FAT3: variants seen among roughly 807,000 people sequenced by gnomAD.
FAT3 encodes FAT atypical cadherin 3, also known as protocadherin Fat 3.
Under a neutral mutation model 310.2 loss-of-function variants are expected in FAT3, and 95 were observed. That is an observed-to-expected ratio of 0.31 (90% confidence interval 0.26 to 0.36). The LOEUF is 0.36. FAT3 is among the 10% of genes least tolerant of loss of function. The pLI, the probability that FAT3 is intolerant of heterozygous loss-of-function variation, is 1.00. For synonymous variants in FAT3, 2,314 were observed against 2,192.9 expected, an observed-to-expected ratio of 1.06 and a Z score of -1.54; for missense variants, 5,408 against 5,715.6, an observed-to-expected ratio of 0.95 and a Z score of 1.74.
chr11:92,440,124 G>A (rs1187332659), intron 2 of FAT3, among the ~76,000 whole-genome samples: 1 of 151,912 alleles, frequency 6.6e-6, no homozygotes, highest in Non-Finnish European at 1.5e-5. Flanking sequence ...TAGATGGAAA[G>A]TACCGAAGAG....
At chr11:92,239,734 T>A (rs928235736) in intron 1 of FAT3, among the ~76,000 whole-genome samples, 1 of 152,128 alleles carries the variant, frequency 6.6e-6, no homozygotes, top group African/African-American at 2.4e-5. Context: ...TGATTTTGGC[T>A]TCTCAGCTGA....
chr11:92,750,975 G>A (rs903686555), intron 4 of FAT3, among the ~76,000 whole-genome samples: 3 of 152,342 alleles, frequency 2.0e-5, no homozygotes, highest in Non-Finnish European at 2.9e-5. Context: ...GGAATGAACA[G>A]TGAATTGTTC....
At chr11:92,569,941 T>A (rs921206417) in intron 3 of FAT3, among the ~76,000 whole-genome samples, 1 of 152,166 alleles carries the variant, frequency 6.6e-6, no homozygotes, top group Admixed American at 6.6e-5. Context: ...ACAGGCCTCC[T>A]TGTCAGCCTG....
intron 3 of FAT3, among the ~76,000 whole-genome samples, chr11:92,680,708 C>T (rs754329243): frequency 2.6e-5 from 4 of 152,166 alleles, no homozygotes; most frequent in African/African-American, 4.8e-5. Flanking sequence ...ATTGCAAGTG[C>T]TTGCAACACA....
intron 25 of FAT3, 139 bp downstream of exon 25, chr11:92,887,252 G>A: frequency 1.4e-6 from 1 of 709,370 alleles, no homozygotes. Flanking sequence ...CCAGGTCCCT[G>A]GTTTACTCCA....
intron 4 of FAT3, among the ~76,000 whole-genome samples, chr11:92,760,101 C>T (rs1249246764): frequency 6.6e-6 from 1 of 152,186 alleles, no homozygotes; most frequent in Non-Finnish European, 1.5e-5. Flanking sequence ...GGAATTAGCT[C>T]AAGAGTCAAA....
chr11:92,528,260 G>T (rs1214746514), intron 3 of FAT3, among the ~76,000 whole-genome samples: 8 of 152,170 alleles, frequency 5.3e-5, no homozygotes, highest in Non-Finnish European at 1.0e-4. Context: ...ATGCTGTGTG[G>T]TTTTTTCTGG....
At chr11:92,341,298 G>A (rs1429551647) in intron 1 of FAT3, among the ~76,000 whole-genome samples, 1 of 152,196 alleles carries the variant, frequency 6.6e-6, no homozygotes, top group Non-Finnish European at 1.5e-5. Flanking sequence ...AGTGGAGATG[G>A]AGGGTAGTTG....
At chr11:92,330,450 C>T (rs1422303518) in intron 1 of FAT3, among the ~76,000 whole-genome samples, 2 of 152,164 alleles carry the variant, frequency 1.3e-5, no homozygotes, top group African/African-American at 2.4e-5. Flanking sequence ...CTCAGCGGTA[C>T]AATGAAAGAT....
At chr11:92,393,182 A>G (rs1356064375) in intron 2 of FAT3, among the ~76,000 whole-genome samples, 1 of 152,162 alleles carries the variant, frequency 6.6e-6, no homozygotes, top group Non-Finnish European at 1.5e-5. Context: ...GAGATGAAAG[A>G]GACCTATGGA....
chr11:92,354,210 G>A lies in FAT3; in HGVS notation c.2098G>A (p.Ala700Thr), dbSNP rs778595053. 2.5e-5 allele frequency: 40 copies of A among 1,613,674 alleles called. No homozygotes were observed. The highest frequency in any genetic ancestry group is 3.3e-5 in the Non-Finnish European group (39 of 1,179,862). ...GCTGGCAGAGAAACTACTCATTAAGGCAAAAGCAAATGGGAAACTGAATCT... is the reference window on the plus strand; with the variant it reads ...GCTGGCAGAGAAACTACTCATTAAGACAAAAGCAAATGGGAAACTGAATCT... ...QKLAEKLLIKAKANGKLNLED... is the reference protein window; with the variant it reads ...QKLAEKLLIKTKANGKLNLED... The change falls in exon 2 of 28, where the codon GCA (alanine) becomes ACA (threonine). Residue 700 changes from alanine (A) to threonine (T), a missense_variant. This residue lies in a region of FAT3 where 4,588 missense variants were observed against 4,809.8 expected (regional missense o/e 0.95). Transcript: ENST00000525166.
intron 3 of FAT3, among the ~76,000 whole-genome samples, chr11:92,571,726 CT>C (rs1214013074): frequency 6.6e-6 from 1 of 152,186 alleles, no homozygotes; most frequent in African/African-American, 2.4e-5. Flanking sequence ...TCTGCATCTC[CT>C]TTAGCACTTA....
chr11:92,786,028 G>C (rs969739126), intron 7 of FAT3, among the ~76,000 whole-genome samples: 7 of 152,162 alleles, frequency 4.6e-5, no homozygotes, highest in Non-Finnish European at 8.8e-5. Context: ...CTAACTGCAT[G>C]TGTAAATATA....
intron 4 of FAT3, among the ~76,000 whole-genome samples, chr11:92,716,117 G>C (rs1009363640): frequency 6.6e-6 from 1 of 152,202 alleles, no homozygotes; most frequent in Non-Finnish European, 1.5e-5. Context: ...AGAGGAGGCA[G>C]ATCGAGGTGT....
intron 2 of FAT3, among the ~76,000 whole-genome samples, chr11:92,516,054 A>G (rs1953471874): frequency 1.3e-5 from 2 of 152,100 alleles, no homozygotes; most frequent in South Asian, 4.1e-4. Context: ...AATTCTACCA[A>G]AGGTACAAAG....
intron 2 of FAT3, among the ~76,000 whole-genome samples, chr11:92,419,991 C>G (rs1950502908): frequency 6.6e-6 from 1 of 152,136 alleles, no homozygotes. Context: ...AGGAGGAACA[C>G]AGAGAGTCCG....
intron 2 of FAT3, among the ~76,000 whole-genome samples, chr11:92,441,721 T>C (rs1448675647): frequency 1.3e-5 from 2 of 152,126 alleles, no homozygotes; most frequent in African/African-American, 4.8e-5. Flanking sequence ...AGATTTTCTG[T>C]CTTTCTCTCA....
chr11:92,370,722 G>A (rs1381300221), intron 2 of FAT3, among the ~76,000 whole-genome samples: 7 of 152,150 alleles, frequency 4.6e-5, no homozygotes, highest in Non-Finnish European at 5.9e-5. Context: ...CATCAGAAAT[G>A]GAGTGAGTTT....
intron 3 of FAT3, among the ~76,000 whole-genome samples, chr11:92,569,865 G>T (rs1356851028): frequency 6.6e-6 from 1 of 152,112 alleles, no homozygotes; most frequent in Non-Finnish European, 1.5e-5. Context: ...TCAGTAATTG[G>T]TTGGAAAAGT....
Sources: allele counts gnomAD v4.1 joint callset (sites outside exome capture counted in the v4.1 genomes callset), GRCh38; gene constraint gnomAD v4.1.1; regional missense constraint gnomAD v4.1.1; transcripts MANE v1.5; gene names NCBI Gene and HGNC (gene_info 2026-07-23, HGNC 2026-07-21).